The following CAPN7 variants were observed in gnomAD, a reference collection of about 807,000 sequenced individuals.
The protein encoded by CAPN7 is calpain 7.
CAPN7 carries 72 observed loss-of-function variants against 115.2 expected under a neutral mutation model. The ratio of observed to expected loss-of-function variants is 0.63; its 90% confidence interval spans 0.52 to 0.76. CAPN7 has a LOEUF of 0.76. Ranked by LOEUF, CAPN7 falls within the 30% of genes least tolerant of loss-of-function variation. CAPN7 has a pLI of 0.00. For missense variants in CAPN7, 905 were observed against 971.5 expected, an observed-to-expected ratio of 0.93 and a Z score of 0.91; for synonymous variants, 344 against 322.3, an observed-to-expected ratio of 1.07 and a Z score of -0.72.
intron 12 of CAPN7, 147 bp from the exon 13 acceptor site, chr3:15,240,326 C>A: frequency 4.1e-6 from 3 of 728,260 alleles, no homozygotes; most frequent in Non-Finnish European, 6.7e-6. Context: ...CGATGTATGA[C>A]CTGGTGAAAG....
At chr3:15,207,464 A>AAATTT (rs1157016469) in intron 1 of CAPN7, among the ~76,000 whole-genome samples, 2 of 152,176 alleles carry the variant, frequency 1.3e-5, no homozygotes, top group African/African-American at 4.8e-5. Context: ...AGGCTACGCT[A>AAATTT]AATTTTTTTA....
chr3:15,210,596 C>CATTTTTTTTT (rs2044878198), intron 1 of CAPN7, among the ~76,000 whole-genome samples: 1 of 104,490 alleles, frequency 9.6e-6, no homozygotes, highest in Non-Finnish European at 1.7e-5. Context: ...TGCTTCCTTC[C>CATTTTTTTTT]TTTTTTTTTT....
chr3:15,206,398 C>A lies in CAPN7; in HGVS notation c.-98C>A. ...GTAAACTTTGCCGCTCCTTCCGCGG[C>A]GCTCCCGAGTCCTCGCCGCCGCCGG... On this transcript the variant is annotated 5_prime_UTR_variant, in exon 1 of 21. Coordinates refer to ENST00000253693, the MANE Select transcript of CAPN7 (RefSeq NM_014296.3). 1.2e-6 allele frequency: 1 copy of A among 836,288 alleles called. No individual in the cohort carries two copies. Among genetic ancestry groups the A allele is most frequent in the Non-Finnish European group, 1.9e-6 (1 of 531,434 alleles). The allele number at this position is 836,288 out of a possible 1,614,324, so 51.8% of individuals were successfully genotyped here. A position where few individuals can be genotyped will look rare whatever the true frequency, so the allele number is the denominator to read the frequency against.
rs1459606934 is a variant in CAPN7, at chr3:15,242,209, C to T, written c.1820C>T (p.Thr607Ile). The change falls in exon 16 of 21, where the codon ACA (threonine) becomes ATA (isoleucine). Residue 607 changes from threonine to isoleucine, a missense_variant. This residue lies in a region of CAPN7 where 620 missense variants were observed against 703.4 expected (regional missense o/e 0.88). Coordinates refer to ENST00000253693, the MANE Select transcript of CAPN7 (RefSeq NM_014296.3). ...TTTGCGAATAATCGAGAATTTATCA[C>T]AATGGTTGTATACAAGACTGATGGG... ...DDFANNREFI[T>I]MVVYKTDGKK... 7 of 1,604,386 alleles carry T rather than the reference C, an allele frequency of 4.4e-6. No individual in the cohort carries two copies. The highest frequency in any genetic ancestry group is 2.7e-5 in the African/African-American group (2 of 74,484).
chr3:15,248,227 G>A (rs1162646891), intron 19 of CAPN7, among the ~76,000 whole-genome samples: 1 of 151,628 alleles, frequency 6.6e-6, no homozygotes, highest in Non-Finnish European at 1.5e-5. Flanking sequence ...CATTATAAAG[G>A]GGGCAATCCA....
chr3:15,225,940 C>T (rs1187452322), intron 6 of CAPN7, among the ~76,000 whole-genome samples: 1 of 152,074 alleles, frequency 6.6e-6, no homozygotes, highest in Non-Finnish European at 1.5e-5. Flanking sequence ...GTTAACAGAT[C>T]ATCAGGAAAA....
chr3:15,224,507 A>C (rs1694194872), intron 6 of CAPN7, among the ~76,000 whole-genome samples: 2 of 152,036 alleles, frequency 1.3e-5, no homozygotes, highest in African/African-American at 4.8e-5. Flanking sequence ...TCCTGACTTC[A>C]AGTGATCCAT....
chr3:15,213,367 G>T (rs1388287954), intron 2 of CAPN7, among the ~76,000 whole-genome samples: 4 of 152,128 alleles, frequency 2.6e-5, no homozygotes, highest in Non-Finnish European at 4.4e-5. Context: ...GTAAGTACAG[G>T]GTAATAGATG....
rs761875076 is a variant in CAPN7 at position 15,246,800 on chromosome 3, A to C, written c.2073+6A>C. The C allele has an allele frequency of 6.3e-7, 1 of 1,588,518 alleles. No individual in the cohort carries two copies. Among genetic ancestry groups the C allele is most frequent in the Admixed American group, 1.7e-5 (1 of 57,924 alleles). ...CATACACCTTATCAAAACGGGTGAG[A>C]AAATTCATTTGGTTGTAATCTCAGC... On this transcript the variant is annotated splice_donor_region_variant and intron_variant, in intron 18 of 20. Coordinates refer to ENST00000253693, the MANE Select transcript of CAPN7 (RefSeq NM_014296.3).
chr3:15,220,478 CA>C (rs2124913058), intron 4 of CAPN7, among the ~76,000 whole-genome samples: 1 of 152,308 alleles, frequency 6.6e-6, no homozygotes, highest in East Asian at 1.9e-4. Flanking sequence ...TCTTTCCCTA[CA>C]AAACTATGAG....
chr3:15,215,179 A>T (rs949455337), intron 2 of CAPN7, among the ~76,000 whole-genome samples: 7 of 152,174 alleles, frequency 4.6e-5, no homozygotes, highest in Non-Finnish European at 7.3e-5. Flanking sequence ...AGTTCCAGCC[A>T]CTTGGGAGGC....
intron 18 of CAPN7, 121 bp downstream of exon 18, chr3:15,246,915 G>A (rs1352176826): frequency 1.6e-5 from 12 of 767,756 alleles, no homozygotes; most frequent in Non-Finnish European, 2.1e-5. Flanking sequence ...TAAGGGAAAC[G>A]TAAATGGCCT....
chr3:15,233,897 A>G lies in CAPN7; in HGVS notation c.1210A>G (p.Ile404Val). ...NIDLHALTGW[I>V]PERIAMHSDS... ...TGATCTTCATGCACTGACTGGCTGG[A>G]TACCAGAAAGAATTGCTATGCATTC... The change falls in exon 11 of 21, where the codon ATA (isoleucine) becomes GTA (valine). Residue 404 changes from isoleucine (I) to valine (V), a missense_variant. Ile to Val is a conservative substitution (Grantham distance 29). This residue lies in a region of CAPN7 where 620 missense variants were observed against 703.4 expected (regional missense o/e 0.88). Coordinates refer to ENST00000253693, the MANE Select transcript of CAPN7 (RefSeq NM_014296.3). The G allele has an allele frequency of 6.2e-7, 1 of 1,605,314 alleles. No individual in the cohort carries two copies. Among genetic ancestry groups the G allele is most frequent in the South Asian group, 1.1e-5 (1 of 90,638 alleles).
Position 15,251,316 on chromosome 3 carries a change from A to G in CAPN7, c.*56A>G. The G allele has an allele frequency of 7.2e-7, 1 of 1,393,242 alleles. No homozygotes were observed. The highest frequency in any genetic ancestry group is 9.8e-7 in the Non-Finnish European group (1 of 1,019,474). 86.3% of individuals were successfully genotyped at this position (1,393,242 alleles called of 1,614,324 possible). A position where few individuals can be genotyped will look rare whatever the true frequency, so the allele number is the denominator to read the frequency against. ...CTTACCAAACATCAGTTCTTCAAAT[A>G]AGGACGCAAATCTTCAGGACAGTAA... On this transcript the variant is annotated 3_prime_UTR_variant, in exon 21 of 21. Coordinates refer to ENST00000253693, the MANE Select transcript of CAPN7 (RefSeq NM_014296.3).
chr3:15,239,384 C>G (rs1695206165), intron 12 of CAPN7, among the ~76,000 whole-genome samples: 1 of 152,196 alleles, frequency 6.6e-6, no homozygotes, highest in African/African-American at 2.4e-5. Context: ...TTTACCACCT[C>G]TTTTATTTTC....
intron 8 of CAPN7, 96 bp from the exon 9 acceptor site, chr3:15,230,346 C>A: frequency 3.1e-6 from 2 of 653,674 alleles, no homozygotes; most frequent in Non-Finnish European, 5.2e-6. Context: ...TATGAAATTG[C>A]CAAGACGGTA....
chr3:15,243,803 G>A (rs1695497593), intron 16 of CAPN7, among the ~76,000 whole-genome samples: 1 of 152,000 alleles, frequency 6.6e-6, no homozygotes, highest in Non-Finnish European at 1.5e-5. Flanking sequence ...GGGGAGGGTG[G>A]GAGGAGGGAG....
chr3:15,225,807 G>C (rs1055362084), intron 6 of CAPN7, among the ~76,000 whole-genome samples: 1 of 152,076 alleles, frequency 6.6e-6, no homozygotes, highest in African/African-American at 2.4e-5. Flanking sequence ...GTTAAATTGG[G>C]AGAAAAACAA....
intron 17 of CAPN7, chr3:15,246,481 T>C: frequency 4.8e-6 from 2 of 419,572 alleles, no homozygotes; most frequent in South Asian, 3.3e-5. Context: ...CACCCATTCC[T>C]TTTTCAGATG....
Sources: gnomAD v4.1 joint callset for allele counts (sites outside exome capture counted in the v4.1 genomes callset) on GRCh38, gnomAD v4.1.1 for gene constraint, gnomAD v4.1.1 regional missense constraint, MANE v1.5 for transcripts, NCBI Gene and HGNC (gene_info 2026-07-23, HGNC 2026-07-21) for gene names.